The following LMTK2 variants were observed in gnomAD, a reference collection of about 807,000 sequenced individuals.
The protein encoded by LMTK2 is serine/threonine-protein kinase LMTK2.
In LMTK2, 37 loss-of-function variants were observed where a neutral mutation model predicts 127.5. That is an observed-to-expected ratio of 0.29 (90% CI 0.22 to 0.38). The LOEUF (loss-of-function observed/expected upper bound fraction) is 0.38. Ranked by LOEUF, LMTK2 falls within the 10% of genes least tolerant of loss-of-function variation. The pLI, the probability that LMTK2 is intolerant of heterozygous loss-of-function variation, is 1.00. For synonymous variants in LMTK2, 819 were observed against 810.1 expected (o/e 1.01, Z -0.19); for missense variants, 1,694 against 1,920.3 (o/e 0.88, Z 2.20).
intron 5 of LMTK2, among the ~76,000 whole-genome samples, chr7:98,157,818 A>AG (rs1796952122): frequency 6.6e-6 from 1 of 152,212 alleles, no homozygotes; most frequent in Non-Finnish European, 1.5e-5. Context: ...AGTGGTTGCC[A>AG]GGGGTACACA....
intron 1 of LMTK2, among the ~76,000 whole-genome samples, chr7:98,107,830 G>A (rs570357195): frequency 2.0e-5 from 3 of 152,262 alleles, no homozygotes; most frequent in African/African-American, 7.2e-5. Flanking sequence ...TCTATTTTAG[G>A]AAGCCAGTGA....
At chr7:98,205,388 C>T in intron 13 of LMTK2, 76 bp from the exon 14 acceptor site, 1 of 1,555,132 alleles carries the variant, frequency 6.4e-7, no homozygotes, top group Non-Finnish European at 8.9e-7. Flanking sequence ...GTGCAGCGCA[C>T]ATGCCATCCA....
At chr7:98,201,648 G>T (rs1370168796) in intron 11 of LMTK2, among the ~76,000 whole-genome samples, 1 of 151,862 alleles carries the variant, frequency 6.6e-6, no homozygotes, top group Non-Finnish European at 1.5e-5. Context: ...GTCTTGCTCT[G>T]TCACTAGCTG....
chr7:98,163,994 T>G (rs1249788780), intron 6 of LMTK2, among the ~76,000 whole-genome samples: 1 of 152,238 alleles, frequency 6.6e-6, no homozygotes, highest in African/African-American at 2.4e-5. Context: ...TCATGCCCAA[T>G]GATAACATCT....
chr7:98,188,588 G>A (rs762466804), intron 9 of LMTK2, among the ~76,000 whole-genome samples: 8 of 152,042 alleles, frequency 5.3e-5, no homozygotes, highest in South Asian at 2.1e-4. Context: ...ATGAGCCATC[G>A]CGCCCAACCC....
Position 98,190,820 on chromosome 7 carries a change from G to GAA in LMTK2, c.1092_1093insAA (p.Glu365LysfsTer44). On this transcript the variant is annotated frameshift_variant, in exon 10 of 14. Coordinates refer to ENST00000297293, the MANE Select transcript of LMTK2 (RefSeq NM_014916.4). LOFTEE classifies it high-confidence loss of function. Reference sequence around the variant, plus strand: ...TTAGATGTCCTCAACCAAGTCATTAGAGAGAGAGACACAAAACTCCCGAAG... The same window carrying GAA: ...TTAGATGTCCTCAACCAAGTCATTAGAAAGAGAGAGACACAAAACTCCCGAAG... The GAA allele has an allele frequency of 6.2e-7, 1 of 1,613,604 alleles. No homozygotes were observed. The highest frequency in any genetic ancestry group is 8.5e-7 in the Non-Finnish European group (1 of 1,179,586).
Position 98,193,880 on chromosome 7 carries a change from C to T in LMTK2, c.3415C>T (p.Pro1139Ser). The T allele has an allele frequency of 6.2e-7, 1 of 1,614,118 alleles. No homozygotes were observed. The highest frequency in any genetic ancestry group is 1.1e-5 in the South Asian group (1 of 91,084). Residue 1139 changes from proline to serine, a missense_variant, in exon 11 of 14, where the codon CCA (proline) becomes TCA (serine). Transcript: ENST00000297293. This position sits in a 1 kb window ranked among gnomAD's most constrained non-coding sequence, Gnocchi z 4.1. ...GGTACAGGAGCAGCCCCTACCCGAGCCAGTCCTCCCCGAGCAAAGTCCTGC... is the reference window on the plus strand; with the variant it reads ...GGTACAGGAGCAGCCCCTACCCGAGTCAGTCCTCCCCGAGCAAAGTCCTGC... Reference protein sequence around the residue: ...VLVQEQPLPEPVLPEQSPAAQ... With the variant: ...VLVQEQPLPESVLPEQSPAAQ...
intron 1 of LMTK2, among the ~76,000 whole-genome samples, chr7:98,109,051 G>C (rs1255283209): frequency 2.0e-5 from 3 of 151,772 alleles, no homozygotes; most frequent in Non-Finnish European, 4.4e-5. Context: ...TAGTAGAGAC[G>C]GGTTTCATCA....
intron 3 of LMTK2, among the ~76,000 whole-genome samples, chr7:98,146,923 G>T (rs574754889): frequency 1.1e-3 from 164 of 152,242 alleles, no homozygotes; most frequent in Middle Eastern, 3.4e-3. Context: ...AGCTTTTGTT[G>T]TAGGGCAGGT....
At chr7:98,111,391 A>G (rs1398379809) in intron 1 of LMTK2, among the ~76,000 whole-genome samples, 1 of 152,234 alleles carries the variant, frequency 6.6e-6, no homozygotes, top group Non-Finnish European at 1.5e-5. Flanking sequence ...AGTTCTTGTA[A>G]ATGGACATAT....
chr7:98,163,863 C>T (rs967796569), intron 6 of LMTK2, among the ~76,000 whole-genome samples: 2 of 152,186 alleles, frequency 1.3e-5, no homozygotes, highest in African/African-American at 2.4e-5. Flanking sequence ...CAGAGGGCAG[C>T]GGTCTGGGCT....
chr7:98,190,625 A>G (rs1238490005), intron 9 of LMTK2, 103 bp from the exon 10 acceptor site: 3 of 1,060,492 alleles, frequency 2.8e-6, no homozygotes, highest in Admixed American at 1.9e-5. Flanking sequence ...AATCTTTTCA[A>G]TACACACCTT....
chr7:98,198,399 C>CA (rs1797662317), intron 11 of LMTK2, among the ~76,000 whole-genome samples: 1 of 152,130 alleles, frequency 6.6e-6, no homozygotes, highest in Non-Finnish European at 1.5e-5. Context: ...CCATGTTGGC[C>CA]AGGATGGTCT....
rs1797803226 is a variant in LMTK2, at chr7:98,206,615, A to T, written c.*1123A>T. On this transcript the variant is annotated 3_prime_UTR_variant, in exon 14 of 14. Coordinates refer to ENST00000297293, the MANE Select transcript of LMTK2 (RefSeq NM_014916.4). ...CAGTCCTTCCTTCAAGAAGCCGGGGAACTCAGGCAGACTCATCTCCGCAGA... is the reference window on the plus strand; with the variant it reads ...CAGTCCTTCCTTCAAGAAGCCGGGGTACTCAGGCAGACTCATCTCCGCAGA... 6.6e-6 allele frequency: 1 copy of T among 152,146 alleles called. No homozygotes were observed. Among genetic ancestry groups the T allele is most frequent in the African/African-American group, 2.4e-5 (1 of 41,396 alleles). 9.4% of individuals were successfully genotyped at this position (152,146 alleles called of 1,614,324 possible).
intron 6 of LMTK2, among the ~76,000 whole-genome samples, chr7:98,162,491 G>A (rs1314690332): frequency 6.6e-6 from 1 of 152,168 alleles, no homozygotes; most frequent in Admixed American, 6.5e-5. Flanking sequence ...ACTTTGGGGT[G>A]AATATTATGC....
At chr7:98,184,102 C>T (rs1797394360) in intron 7 of LMTK2, among the ~76,000 whole-genome samples, 1 of 152,148 alleles carries the variant, frequency 6.6e-6, no homozygotes, top group African/African-American at 2.4e-5. Context: ...AAGCGGGTGA[C>T]TTGCAAGATC....
At chr7:98,148,357 G>T (rs1426543138) in intron 3 of LMTK2, among the ~76,000 whole-genome samples, 1 of 151,910 alleles carries the variant, frequency 6.6e-6, no homozygotes, top group East Asian at 1.9e-4. Flanking sequence ...GCCGGGCATG[G>T]TGGCGCTTGC....
chr7:98,161,597 G>A (rs978159343), intron 6 of LMTK2, among the ~76,000 whole-genome samples: 1 of 152,014 alleles, frequency 6.6e-6, no homozygotes, highest in African/African-American at 2.4e-5. Flanking sequence ...GATTTCTCAG[G>A]GTGTTATTGC....
At chr7:98,131,782 C>G (rs1279877345) in intron 1 of LMTK2, among the ~76,000 whole-genome samples, 1 of 152,174 alleles carries the variant, frequency 6.6e-6, no homozygotes, top group African/African-American at 2.4e-5. Flanking sequence ...GCCACAGTTT[C>G]CTGATCCCTA....
Sources: allele counts gnomAD v4.1 joint callset (sites outside exome capture counted in the v4.1 genomes callset), GRCh38; gene constraint gnomAD v4.1.1; non-coding constraint Gnocchi (gnomAD v3.1); transcripts MANE v1.5; gene names NCBI Gene and HGNC (gene_info 2026-07-23, HGNC 2026-07-21).